FAM13B: variants seen among roughly 807,000 people sequenced by gnomAD.
FAM13B encodes protein FAM13B.
Under a neutral mutation model 117.3 loss-of-function variants are expected in FAM13B, and 60 were observed. That is an observed-to-expected ratio of 0.51 (90% confidence interval 0.42 to 0.63). FAM13B has a LOEUF of 0.63. Ranked by LOEUF, FAM13B falls within the 30% of genes least tolerant of loss-of-function variation. The probability of loss-of-function intolerance (pLI) is 0.00; values close to 1 mark genes in which losing one functional copy is unlikely to be tolerated. For synonymous variants in FAM13B, 332 were observed against 356.1 expected, an observed-to-expected ratio of 0.93 and a Z score of 0.76; for missense variants, 972 against 1,091.9, an observed-to-expected ratio of 0.89 and a Z score of 1.55.
At chr5:137,993,591 G>A (rs1779169645) in intron 7 of FAM13B, among the ~76,000 whole-genome samples, 1 of 151,722 alleles carries the variant, frequency 6.6e-6, no homozygotes, top group African/African-American at 2.4e-5. Context: ...GAGCAGCCGG[G>A]CCTACAAGAT....
intron 10 of FAM13B, among the ~76,000 whole-genome samples, chr5:137,964,584 G>A (rs1769124303): frequency 6.6e-6 from 1 of 151,366 alleles, no homozygotes; most frequent in Admixed American, 6.6e-5. Flanking sequence ...AGCCGGGCGT[G>A]GTAGCACACA....
intron 4 of FAM13B, among the ~76,000 whole-genome samples, chr5:138,013,270 G>C (rs140084533): frequency 0.019 from 2,833 of 152,018 alleles, 32 homozygotes; most frequent in Non-Finnish European, 0.026. Flanking sequence ...GGGAGGCCGA[G>C]ACAGGTGGAT....
chr5:138,035,938 A>G (rs1374273673), upstream of FAM13B, among the ~76,000 whole-genome samples: 1 of 152,096 alleles, frequency 6.6e-6, no homozygotes, highest in Non-Finnish European at 1.5e-5. Flanking sequence ...CTCCCCCATA[A>G]TTCTATTGGT....
chr5:137,960,981 C>T (rs1477669133), intron 11 of FAM13B, among the ~76,000 whole-genome samples: 2 of 152,092 alleles, frequency 1.3e-5, no homozygotes, highest in African/African-American at 2.4e-5. Flanking sequence ...CACTTCTAAC[C>T]GGCCATAACA....
At chr5:137,969,152 G>T (rs769823255) in intron 10 of FAM13B, among the ~76,000 whole-genome samples, 1 of 152,256 alleles carries the variant, frequency 6.6e-6, no homozygotes, top group African/African-American at 2.4e-5. Context: ...CCACCTCTGG[G>T]GGGCAGGGCA....
intron 1 of FAM13B, among the ~76,000 whole-genome samples, chr5:138,047,504 C>CAA (rs61692745): frequency 4.4e-5 from 6 of 137,778 alleles, no homozygotes; most frequent in African/African-American, 1.7e-4. Flanking sequence ...GACTCCATCT[C>CAA]AAAAAAAAAA....
intron 17 of FAM13B, among the ~76,000 whole-genome samples, chr5:137,952,104 C>T (rs1007666703): frequency 1.3e-4 from 20 of 152,182 alleles, no homozygotes; most frequent in Admixed American, 8.5e-4. Flanking sequence ...CACATACTCA[C>T]TAAACATCCA....
chr5:138,025,668 T>A (rs920797985), intron 1 of FAM13B, among the ~76,000 whole-genome samples: 1 of 152,080 alleles, frequency 6.6e-6, no homozygotes, highest in African/African-American at 2.4e-5. Flanking sequence ...CCCCATGGGC[T>A]GAAAAATTTA....
rs1234251931 is a variant in FAM13B, at chr5:137,956,460, T to C, written c.1507+17A>G. On this transcript the variant is annotated intron_variant, in intron 14 of 23. Transcript: ENST00000689681. ...CATAAAAGGCAAAAAAACTAAACTATGGTGAACCATACTTACCCTCCCCAT... is the reference window on the plus strand; with the variant it reads ...CATAAAAGGCAAAAAAACTAAACTACGGTGAACCATACTTACCCTCCCCAT... The C allele has an allele frequency of 8.3e-6, 13 of 1,568,118 alleles. No individual in the cohort carries two copies. Among genetic ancestry groups the C allele is most frequent in the Non-Finnish European group, 8.7e-6 (10 of 1,153,290 alleles).
intron 10 of FAM13B, among the ~76,000 whole-genome samples, chr5:137,967,172 C>CA (rs1223003921): frequency 6.7e-6 from 1 of 150,272 alleles, no homozygotes; most frequent in East Asian, 1.9e-4. Context: ...AGTCAAAAGA[C>CA]AAAAAACTGG....
chr5:137,954,523 CAT>C (rs1491078246), intron 14 of FAM13B, 147 bp from the exon 15 acceptor site: 14 of 413,778 alleles, frequency 3.4e-5, no homozygotes, highest in African/African-American at 6.5e-5. Context: ...CACACACACA[CAT>C]ACATGTGTGT....
At chr5:137,973,567 A>C (rs1471737530) in intron 10 of FAM13B, among the ~76,000 whole-genome samples, 1 of 152,250 alleles carries the variant, frequency 6.6e-6, no homozygotes, top group Non-Finnish European at 1.5e-5. Flanking sequence ...TTCATGTCTA[A>C]AACACTAAAA....
intron 10 of FAM13B, among the ~76,000 whole-genome samples, chr5:137,964,069 A>G (rs1768946604): frequency 6.6e-6 from 1 of 151,932 alleles, no homozygotes; most frequent in African/African-American, 2.4e-5. Context: ...TTATTTACTT[A>G]AAAAAATTTT....
At chr5:137,949,917 T>G (rs994325873) in intron 17 of FAM13B, among the ~76,000 whole-genome samples, 1 of 152,004 alleles carries the variant, frequency 6.6e-6, no homozygotes, top group Non-Finnish European at 1.5e-5. Flanking sequence ...AAACTGAGAC[T>G]GCACCACTGC....
chr5:137,988,921 T>A (rs2150611444), intron 7 of FAM13B, among the ~76,000 whole-genome samples: 1 of 152,356 alleles, frequency 6.6e-6, no homozygotes, highest in South Asian at 2.1e-4. Context: ...TCTCTGGTGC[T>A]CAGGTGGAGA....
intron 20 of FAM13B, among the ~76,000 whole-genome samples, chr5:137,944,083 C>T (rs1237361147): frequency 2.0e-5 from 3 of 152,122 alleles, no homozygotes; most frequent in Non-Finnish European, 4.4e-5. Context: ...TATGGTCTTG[C>T]CTATTCTAAA....
At chr5:137,984,959 T>TG (rs1209863115) in intron 10 of FAM13B, among the ~76,000 whole-genome samples, 1 of 151,730 alleles carries the variant, frequency 6.6e-6, no homozygotes, top group Non-Finnish European at 1.5e-5. Flanking sequence ...TTAGTAGAGA[T>TG]GGGGGTTCAC....
chr5:137,978,362 G>C (rs1482731826), intron 10 of FAM13B, among the ~76,000 whole-genome samples: 1 of 151,980 alleles, frequency 6.6e-6, no homozygotes, highest in Non-Finnish European at 1.5e-5. Flanking sequence ...TGTTCTTACT[G>C]TTAATGTGTT....
intron 10 of FAM13B, among the ~76,000 whole-genome samples, chr5:137,976,876 G>A (rs1390948593): frequency 1.3e-5 from 2 of 152,108 alleles, no homozygotes; most frequent in Admixed American, 1.3e-4. Flanking sequence ...AAGTGTGTTT[G>A]AACAATATGA....
Sources: allele counts gnomAD v4.1 joint callset (sites outside exome capture counted in the v4.1 genomes callset), GRCh38; gene constraint gnomAD v4.1.1; transcripts MANE v1.5; gene names NCBI Gene and HGNC (gene_info 2026-07-23, HGNC 2026-07-21).